Variants in CFAP141 observed in about 807,000 individuals in gnomAD.
CFAP141 encodes the protein cilia and flagella associated protein 141, also known as cilia- and flagella-associated protein 141.
the CFAP141 span, chr1:154,206,156 T>TAACTA: frequency 1.1e-6 from 1 of 940,458 alleles, no homozygotes; most frequent in Non-Finnish European, 1.8e-6. Flanking sequence ...CTCCTGTTAC[T>TAACTA]AACTACATTA....
the CFAP141 span, chr1:154,200,458 C>T: frequency 1.2e-6 from 2 of 1,614,166 alleles, no homozygotes; most frequent in Non-Finnish European, 1.7e-6. Context: ...CTAGAACTCA[C>T]CATTAGTAGT....
the CFAP141 span, chr1:154,200,376 C>T: frequency 7.0e-7 from 1 of 1,427,190 alleles, no homozygotes; most frequent in Non-Finnish European, 9.6e-7. Context: ...TGCAATGACA[C>T]ACACTAAGAG....
chr1:154,202,474 C>T, the CFAP141 span, among the ~76,000 whole-genome samples: 2 of 151,530 alleles, frequency 1.3e-5, no homozygotes, highest in Admixed American at 6.6e-5. Flanking sequence ...AGTACATTTT[C>T]CACATGTTGA....
chr1:154,203,229 ATATAT>A, the CFAP141 span, among the ~76,000 whole-genome samples: 1 of 44,724 alleles, frequency 2.2e-5, no homozygotes, highest in Non-Finnish European at 4.0e-5. Context: ...ATATATATAT[ATATAT>A]ACTTTGTTGG....
the CFAP141 span, among the ~76,000 whole-genome samples, chr1:154,201,900 A>C: frequency 6.6e-6 from 1 of 150,864 alleles, no homozygotes; most frequent in Admixed American, 6.6e-5. Flanking sequence ...CCTCCTGAGT[A>C]GCTGGGATTA....
chr1:154,201,898 G>A, the CFAP141 span, among the ~76,000 whole-genome samples: 1 of 151,460 alleles, frequency 6.6e-6, no homozygotes, highest in African/African-American at 2.4e-5. Context: ...ATCCTCCTGA[G>A]TAGCTGGGAT....
chr1:154,200,906 A>T, the CFAP141 span, among the ~76,000 whole-genome samples: 1 of 151,836 alleles, frequency 6.6e-6, no homozygotes, highest in East Asian at 1.9e-4. Flanking sequence ...CTGGTCTCGA[A>T]CTCCTGACCT....
chr1:154,200,312 G>C, the CFAP141 span: 1 of 772,494 alleles, frequency 1.3e-6, no homozygotes, highest in Non-Finnish European at 2.1e-6. Context: ...AATGGAGTTA[G>C]AGTTGTGTTG....
the CFAP141 span, chr1:154,199,585 ATTCT>A: frequency 9.2e-7 from 1 of 1,082,086 alleles, no homozygotes; most frequent in South Asian, 1.5e-5. Flanking sequence ...ACCCTTTCTT[ATTCT>A]TTCTTCCTAG....
the CFAP141 span, among the ~76,000 whole-genome samples, chr1:154,201,313 A>G: frequency 2.7e-5 from 4 of 150,216 alleles, no homozygotes; most frequent in Non-Finnish European, 5.9e-5. Context: ...ATTAATTTTT[A>G]CATGATACAG....
chr1:154,204,345 C>T, the CFAP141 span, among the ~76,000 whole-genome samples: 2 of 152,068 alleles, frequency 1.3e-5, no homozygotes, highest in East Asian at 1.9e-4. Flanking sequence ...GGATATAACC[C>T]GTGAAACCTT....
the CFAP141 span, chr1:154,205,636 A>G: frequency 1.2e-6 from 2 of 1,612,892 alleles, no homozygotes; most frequent in Non-Finnish European, 1.7e-6. Context: ...CCTTTTGAAA[A>G]CTCTGCAAGA....
At chr1:154,202,773 C>T in the CFAP141 span, among the ~76,000 whole-genome samples, 3 of 151,470 alleles carry the variant, frequency 2.0e-5, no homozygotes, top group African/African-American at 7.3e-5. Flanking sequence ...TGCACTCCAG[C>T]CTGGGCGACA....
chr1:154,202,589 A>G, the CFAP141 span, among the ~76,000 whole-genome samples: 1,332 of 148,352 alleles, frequency 9.0e-3, 21 homozygotes, highest in African/African-American at 0.032. Context: ...TCACGAGGTC[A>G]GGAGATCGAG....
the CFAP141 span, chr1:154,200,503 T>G: frequency 3.7e-6 from 6 of 1,614,082 alleles, no homozygotes; most frequent in Non-Finnish European, 5.1e-6. Context: ...TGTACCATGG[T>G]GTCCTGCATC....
chr1:154,199,626 T>C, the CFAP141 span: 27 of 820,994 alleles, frequency 3.3e-5, no homozygotes, highest in Admixed American at 4.9e-5. Context: ...TGTGTTCTCT[T>C]GGAGCTGGAC....
At chr1:154,200,735 T>A in the CFAP141 span, 1 of 920,688 alleles carries the variant, frequency 1.1e-6, no homozygotes, top group Non-Finnish European at 1.6e-6. Flanking sequence ...CAGGCTGGTG[T>A]ACAGTGGTGC....
At chr1:154,204,271 G>GT in the CFAP141 span, among the ~76,000 whole-genome samples, 1 of 152,064 alleles carries the variant, frequency 6.6e-6, no homozygotes, top group Non-Finnish European at 1.5e-5. Flanking sequence ...AAACATGGCT[G>GT]TATCAACCTA....
chr1:154,199,551 G>A, the CFAP141 span: 8 of 1,492,652 alleles, frequency 5.4e-6, no homozygotes, highest in African/African-American at 1.4e-5. Flanking sequence ...GCAGAATAGA[G>A]TGTGTTGTTT....
Sources: gnomAD v4.1 joint callset for allele counts (sites outside exome capture counted in the v4.1 genomes callset) on GRCh38, gnomAD v4.1.1 for gene constraint, MANE v1.5 for transcripts, NCBI Gene and HGNC (gene_info 2026-07-23, HGNC 2026-07-21) for gene names.